The following SLAMF6 variants were observed in gnomAD, a reference collection of about 807,000 sequenced individuals.
SLAMF6 encodes the protein NK-T-B-antigen.
In SLAMF6, 21 loss-of-function variants were observed where a neutral mutation model predicts 38.3. The ratio of observed to expected loss-of-function variants is 0.55; its 90% CI spans 0.39 to 0.79. The LOEUF (loss-of-function observed/expected upper bound fraction) is 0.79, where lower values mean the gene tolerates loss of function less well. SLAMF6 is among the 30% of genes least tolerant of loss of function. The pLI is 0.00. For synonymous variants in SLAMF6, 152 were observed against 146.3 expected (o/e 1.04, Z -0.28); for missense variants, 341 against 385.3 (o/e 0.89, Z 0.96).
At chr1:160,512,060 G>C (rs1294986183) in intron 1 of SLAMF6, among the ~76,000 whole-genome samples, 1 of 152,224 alleles carries the variant, frequency 6.6e-6, no homozygotes, top group Non-Finnish European at 1.5e-5. Flanking sequence ...CAAGCACAGA[G>C]CTGTGCAGAT....
At chr1:160,497,747 C>T (rs911617032) in intron 1 of SLAMF6, among the ~76,000 whole-genome samples, 3 of 152,078 alleles carry the variant, frequency 2.0e-5, no homozygotes, top group Non-Finnish European at 4.4e-5. Flanking sequence ...GTTTTCTGTT[C>T]CTGTGTTGGT....
chr1:160,502,394 G>A (rs1653951101), intron 1 of SLAMF6, among the ~76,000 whole-genome samples: 1 of 152,160 alleles, frequency 6.6e-6, no homozygotes, highest in Admixed American at 6.5e-5. Flanking sequence ...CCCATCCACT[G>A]GTGAGGATGT....
intron 5 of SLAMF6, 43 bp from the exon 6 acceptor site, chr1:160,489,213 G>T: frequency 6.2e-7 from 1 of 1,604,600 alleles, no homozygotes; most frequent in South Asian, 1.1e-5. Flanking sequence ...AAGGACTCTG[G>T]GACTTCTCTC....
chr1:160,506,180 A>T (rs1320559707), intron 1 of SLAMF6, among the ~76,000 whole-genome samples: 1 of 152,204 alleles, frequency 6.6e-6, no homozygotes, highest in Non-Finnish European at 1.5e-5. Flanking sequence ...ATGAACTCCA[A>T]GAAGAATGAT....
intron 1 of SLAMF6, among the ~76,000 whole-genome samples, chr1:160,503,811 G>A (rs760872983): frequency 1.3e-5 from 2 of 151,896 alleles, no homozygotes; most frequent in Non-Finnish European, 1.5e-5. Flanking sequence ...AAAAAAAGAG[G>A]CAACTTAAAA....
In SLAMF6 at chr1:160,519,787, TG is replaced by T. The variant is rs201814999; in HGVS notation, c.49+3356del. On this transcript the variant is annotated intron_variant, in intron 1 of 7. Transcript: ENST00000368057. ...AAGCAGATCGGTATTTGCCAGGGGCTGGGGGGGAGGGGAGAATGGGAAATGA... is the reference window on the plus strand; with the variant it reads ...AAGCAGATCGGTATTTGCCAGGGGCTGGGGGGAGGGGAGAATGGGAAATGA... 1.9e-3 allele frequency among the ~76,000 whole-genome samples: 80 copies of T among 42,832 alleles called. No individual in the cohort carries two copies. In the East Asian group the frequency reaches 0.043, roughly 23 times the overall value. The allele number at this position is 42,832 out of a possible 152,430, so 28.1% of individuals were successfully genotyped here. A position where few individuals can be genotyped will look rare whatever the true frequency, so the allele number is the denominator to read the frequency against.
At chr1:160,522,214 G>A (rs1360226638) in intron 1 of SLAMF6, among the ~76,000 whole-genome samples, 2 of 152,078 alleles carry the variant, frequency 1.3e-5, no homozygotes, top group East Asian at 3.8e-4. Flanking sequence ...TGAAATTTGG[G>A]CAAATTATTT....
At chr1:160,490,764 T>G in intron 3 of SLAMF6, 79 bp from the exon 4 acceptor site, 4 of 1,543,404 alleles carry the variant, frequency 2.6e-6, no homozygotes, top group Non-Finnish European at 3.5e-6. Flanking sequence ...TGGAGCCTCT[T>G]CTAGGCCATC....
intron 1 of SLAMF6, among the ~76,000 whole-genome samples, chr1:160,499,997 C>T (rs1246771809): frequency 6.6e-6 from 1 of 152,164 alleles, no homozygotes; most frequent in Non-Finnish European, 1.5e-5. Flanking sequence ...ATATATGATT[C>T]TATTTATTTA....
At position 160,490,175 on chromosome 1, in the gene SLAMF6, GAGTTA is replaced by G; in HGVS notation, c.796+18_796+22del. ...CTCTTCCCATCTGCTTTATGATGGA[GAGTTA>G]AGAGTCTGAATGCTCACCGGGGCCC... On this transcript the variant is annotated intron_variant, in intron 5 of 7. Coordinates refer to ENST00000368057, the MANE Select transcript of SLAMF6 (RefSeq NM_001184714.2). 2 of 1,613,046 alleles carry G rather than the reference GAGTTA, an allele frequency of 1.2e-6. No individual in the cohort carries two copies. The highest frequency in any genetic ancestry group is 1.7e-6 in the Non-Finnish European group (2 of 1,179,128).
intron 1 of SLAMF6, among the ~76,000 whole-genome samples, chr1:160,512,583 A>G (rs1218364479): frequency 2.0e-5 from 3 of 152,072 alleles, no homozygotes; most frequent in Non-Finnish European, 4.4e-5. Context: ...GGGTTACCAG[A>G]CACTTTATAC....
rs139620894 is a variant in SLAMF6, at chr1:160,500,202, G to A, written c.50-3809C>T. On this transcript the variant is annotated intron_variant, in intron 1 of 7. Coordinates refer to ENST00000368057, the MANE Select transcript of SLAMF6 (RefSeq NM_001184714.2). ...TTCATTGAGCTGACATTTAAGATTC[G>A]TATAGTTTTTCTCTTTGTATTTCAG... 2.4e-4 allele frequency among the ~76,000 whole-genome samples: 36 copies of A among 152,270 alleles called. No homozygotes were observed. The East Asian group carries it at 3.9e-3, about 16-fold the overall frequency.
intron 1 of SLAMF6, among the ~76,000 whole-genome samples, chr1:160,501,270 A>G (rs568386353): frequency 2.6e-5 from 4 of 152,266 alleles, no homozygotes; most frequent in South Asian, 4.1e-4. Context: ...CCATCATCTG[A>G]TAGAGGAGCC....
At chr1:160,501,375 G>A (rs1653883152) in intron 1 of SLAMF6, among the ~76,000 whole-genome samples, 1 of 152,176 alleles carries the variant, frequency 6.6e-6, no homozygotes, top group Non-Finnish European at 1.5e-5. Context: ...CACTATTGCA[G>A]TTATACATGC....
rs115743541 is a variant in SLAMF6, at chr1:160,489,280, G to A, written c.797-110C>T. Reference sequence around the variant, plus strand: ...GTCCCCAGATAGGCAGGTGTTTGAAGCATCTCCTTTCCTGAGGGATCATTC... The same window carrying A: ...GTCCCCAGATAGGCAGGTGTTTGAAACATCTCCTTTCCTGAGGGATCATTC... On this transcript the variant is annotated intron_variant, in intron 5 of 7. Transcript: ENST00000368057. The A allele has an allele frequency of 9.8e-4, 990 of 1,010,594 alleles. 5 individuals are homozygous for A. In the African/African-American group the frequency reaches 0.013, roughly 13 times the overall value. 62.6% of individuals were successfully genotyped at this position (1,010,594 alleles called of 1,614,324 possible). A position where few individuals can be genotyped will look rare whatever the true frequency, so the allele number is the denominator to read the frequency against.
At chr1:160,494,887 T>C (rs532264097) in intron 2 of SLAMF6, among the ~76,000 whole-genome samples, 111 of 152,240 alleles carry the variant, frequency 7.3e-4, no homozygotes, top group African/African-American at 2.4e-3. Flanking sequence ...CCACCTACTT[T>C]ATGGTATTTC....
chr1:160,520,173 C>T lies in SLAMF6; in HGVS notation c.49+2971G>A, dbSNP rs12082597. 6.4e-3 allele frequency among the ~76,000 whole-genome samples: 972 copies of T among 152,216 alleles called. 12 individuals carry two copies. Among genetic ancestry groups the T allele is most frequent in the African/African-American group, 0.022 (910 of 41,520 alleles). On this transcript the variant is annotated intron_variant, in intron 1 of 7. Coordinates refer to ENST00000368057, the MANE Select transcript of SLAMF6 (RefSeq NM_001184714.2). Reference sequence around the variant, plus strand: ...TTGGTAAAAAGTAGATAACACTGCTCGGGGGCCATCAGGTCACAATCTCTT... The same window carrying T: ...TTGGTAAAAAGTAGATAACACTGCTTGGGGGCCATCAGGTCACAATCTCTT...
intron 3 of SLAMF6, 128 bp from the exon 4 acceptor site, chr1:160,490,813 T>C (rs953871916): frequency 2.8e-6 from 4 of 1,423,016 alleles, no homozygotes; most frequent in Non-Finnish European, 3.7e-6. Context: ...CCGGAGGCTC[T>C]GGGGTGGGAG....
chr1:160,496,670 C>T (rs1213976905), intron 1 of SLAMF6, among the ~76,000 whole-genome samples: 2 of 152,162 alleles, frequency 1.3e-5, no homozygotes, highest in South Asian at 2.1e-4. Flanking sequence ...CTGGTCACTC[C>T]TAGGTCATAA....
Sources: allele counts gnomAD v4.1 joint callset (sites outside exome capture counted in the v4.1 genomes callset), GRCh38; gene constraint gnomAD v4.1.1; transcripts MANE v1.5; gene names NCBI Gene and HGNC (gene_info 2026-07-23, HGNC 2026-07-21).